POTEE: variants seen among roughly 807,000 people sequenced by gnomAD.
POTEE encodes the protein POTE ankyrin domain family member E.
In POTEE, 21 loss-of-function variants were observed where a neutral mutation model predicts 74.2. The ratio of observed to expected loss-of-function variants is 0.28; its 90% CI spans 0.20 to 0.41. The LOEUF (loss-of-function observed/expected upper bound fraction) is 0.41, where lower values mean the gene tolerates loss of function less well. Among genes scored for constraint, POTEE ranks in the 10% least tolerant of loss-of-function variants. The pLI is 1.00. For missense variants in POTEE, 525 were observed against 1,158.6 expected (o/e 0.45, Z 7.94); for synonymous variants, 211 against 432.8 (o/e 0.49, Z 6.36).
At chr2:131,225,351 C>T (rs867317158) in intron 6 of POTEE, among the ~76,000 whole-genome samples, 1 of 152,036 alleles carries the variant, frequency 6.6e-6, no homozygotes, top group Admixed American at 6.6e-5. Flanking sequence ...CGAGTCTAGC[C>T]TGGTCAACAT....
At chr2:131,219,275 A>G (rs1194548994) in intron 4 of POTEE, among the ~76,000 whole-genome samples, 1 of 151,586 alleles carries the variant, frequency 6.6e-6, no homozygotes, top group Non-Finnish European at 1.5e-5. Flanking sequence ...ACTAAGAACA[A>G]AGCCCCATAA....
intron 6 of POTEE, among the ~76,000 whole-genome samples, chr2:131,225,430 C>T (rs1700751454): frequency 1.3e-5 from 2 of 150,616 alleles, no homozygotes; most frequent in Admixed American, 1.3e-4. Context: ...AATCTGGATA[C>T]ACTCCTGCTT....
intron 8 of POTEE, among the ~76,000 whole-genome samples, chr2:131,230,094 A>G (rs1385970748): frequency 1.3e-5 from 2 of 152,014 alleles, no homozygotes; most frequent in Admixed American, 6.6e-5. Context: ...CTTAACATCC[A>G]TTGGTTTTTC....
intron 4 of POTEE, among the ~76,000 whole-genome samples, chr2:131,221,674 C>A (rs1185808426): frequency 3.9e-5 from 6 of 152,062 alleles, no homozygotes; most frequent in African/African-American, 1.4e-4. Context: ...TTTACCTGTT[C>A]CTGTAGATTT....
chr2:131,217,100 A>G (rs1459762169), intron 2 of POTEE, among the ~76,000 whole-genome samples: 4 of 150,320 alleles, frequency 2.7e-5, no homozygotes, highest in South Asian at 4.3e-4. Flanking sequence ...GAACCTGTGA[A>G]AAAAGTTAAA....
chr2:131,232,781 C>T (rs151170940), intron 9 of POTEE, among the ~76,000 whole-genome samples: 5,134 of 151,814 alleles, frequency 0.034, 293 homozygotes, highest in African/African-American at 0.12. Flanking sequence ...GTTTTATTCA[C>T]GTCTCCCTTC....
chr2:131,218,619 A>C lies in POTEE; in HGVS notation c.217A>C (p.Arg73=), dbSNP rs1700511722. The change falls in exon 4 of 18, where the codon AGG becomes CGG. Residue 73 remains arginine, a synonymous_variant. Transcript: ENST00000683005. ...KWCHHCFPCC[R]GSGKSNVGAS... is the part of the protein sequence containing the mutation. Reference sequence around the variant, plus strand: ...GTGCCACCACTGCTTCCCCTGCTGCAGGGGGAGTGGCAAGAGCAACGTGGG... The same window carrying C: ...GTGCCACCACTGCTTCCCCTGCTGCCGGGGGAGTGGCAAGAGCAACGTGGG... 6.2e-7 allele frequency: 1 copy of C among 1,611,480 alleles called. No individual in the cohort carries two copies. The highest frequency in any genetic ancestry group is 1.7e-5 in the Admixed American group (1 of 59,736).
chr2:131,214,319 A>T (rs556276011), intron 2 of POTEE, among the ~76,000 whole-genome samples: 2 of 152,370 alleles, frequency 1.3e-5, no homozygotes, highest in South Asian at 2.1e-4. Context: ...GGATATGAAG[A>T]TGTATTTATT....
At chr2:131,229,532 A>C (rs12473736) in intron 8 of POTEE, 1 of 144,514 alleles carries the variant, frequency 6.9e-6, no homozygotes, top group Admixed American at 7.1e-5. Flanking sequence ...CAGAATCTCA[A>C]GTAGGTTAGT....
At chr2:131,228,992 G>GT (rs1055742057) in intron 8 of POTEE, among the ~76,000 whole-genome samples, 2 of 148,944 alleles carry the variant, frequency 1.3e-5, no homozygotes, top group Admixed American at 6.6e-5. Context: ...TGACTTTGAT[G>GT]TTTTTTAATT....
chr2:131,212,952 G>A (rs1700387177), intron 2 of POTEE, among the ~76,000 whole-genome samples: 1 of 149,456 alleles, frequency 6.7e-6, no homozygotes, highest in South Asian at 2.1e-4. Context: ...GAAGTCGGGA[G>A]AATTGTGTGT....
At chr2:131,230,933 T>C in intron 9 of POTEE, 27 bp downstream of exon 9, 2 of 1,548,664 alleles carry the variant, frequency 1.3e-6, no homozygotes, top group Non-Finnish European at 1.7e-6. Flanking sequence ...TGAATTACTT[T>C]AGTCAGTTGT....
intron 2 of POTEE, among the ~76,000 whole-genome samples, chr2:131,211,883 G>A (rs992408090): frequency 2.0e-5 from 3 of 149,952 alleles, no homozygotes; most frequent in African/African-American, 7.4e-5. Context: ...TGTTGTGATG[G>A]TCTTGGACTT....
rs770282170 is a variant in POTEE at position 131,218,798 on chromosome 2, G to A, written c.396G>A (p.Arg132=). ...DYDDSAFMEP[R]YHVRGEDLDK... ...ATGACAGCGCCTTCATGGAGCCCAG[G>A]TACCACGTCCGTGGAGAAGATCTGG... The change falls in exon 4 of 18, where the codon AGG becomes AGA. Residue 132 remains arginine (R), a synonymous_variant. Coordinates refer to ENST00000683005, the MANE Select transcript of POTEE (RefSeq NM_001083538.3). The A allele has an allele frequency of 2.6e-5, 42 of 1,612,626 alleles. No individual in the cohort carries two copies. The South Asian group carries it at 4.4e-4, about 17-fold the overall frequency.
At chr2:131,216,541 A>AT (rs1700445739) in intron 2 of POTEE, among the ~76,000 whole-genome samples, 1 of 151,794 alleles carries the variant, frequency 6.6e-6, no homozygotes, top group Non-Finnish European at 1.5e-5. Context: ...GGTTAAATAC[A>AT]GAATTACCAC....
intron 4 of POTEE, among the ~76,000 whole-genome samples, chr2:131,220,641 G>T (rs973610899): frequency 1.3e-5 from 2 of 152,038 alleles, no homozygotes; most frequent in Non-Finnish European, 2.9e-5. Context: ...GAAGAGGAAT[G>T]AAATACTGTT....
chr2:131,222,653 T>G (rs1700659019), intron 4 of POTEE, among the ~76,000 whole-genome samples: 1 of 152,210 alleles, frequency 6.6e-6, no homozygotes, highest in East Asian at 1.9e-4. Flanking sequence ...CTAATATGAA[T>G]GATTGGAAAT....
intron 17 of POTEE, among the ~76,000 whole-genome samples, chr2:131,262,601 G>GGT: frequency 6.8e-6 from 1 of 147,538 alleles, no homozygotes; most frequent in South Asian, 2.3e-4. Flanking sequence ...AAGTAAGTGT[G>GGT]GTTTTGTGGA....
chr2:131,214,472 G>A (rs1700412937), intron 2 of POTEE, among the ~76,000 whole-genome samples: 1 of 152,288 alleles, frequency 6.6e-6, no homozygotes, highest in African/African-American at 2.4e-5. Flanking sequence ...TAGATAGTCT[G>A]TGGAAGTTGT....
Sources: gnomAD v4.1 joint callset for allele counts (sites outside exome capture counted in the v4.1 genomes callset) on GRCh38, gnomAD v4.1.1 for gene constraint, MANE v1.5 for transcripts, NCBI Gene and HGNC (gene_info 2026-07-23, HGNC 2026-07-21) for gene names.